ABL1: variants seen among roughly 807,000 people sequenced by gnomAD.
The protein encoded by ABL1 is ABL proto-oncogene 1, non-receptor tyrosine kinase.
Under a neutral mutation model 94.7 loss-of-function variants are expected in ABL1, and 11 were observed. The ratio of observed to expected loss-of-function variants is 0.12; its 90% CI spans 0.07 to 0.19. The LOEUF is 0.19. Ranked by LOEUF, ABL1 falls within the 10% of genes least tolerant of loss-of-function variation. The probability of loss-of-function intolerance (pLI) is 1.00; values close to 1 mark genes in which losing one functional copy is unlikely to be tolerated. For synonymous variants in ABL1, 656 were observed against 622.4 expected (o/e 1.05, Z -0.80); for missense variants, 1,082 against 1,489.4 (o/e 0.73, Z 4.50).
chr9:130,820,120 A>G (rs1020355742), intron 1 of ABL1, among the ~76,000 whole-genome samples: 3 of 152,136 alleles, frequency 2.0e-5, no homozygotes, highest in Non-Finnish European at 4.4e-5. Context: ...TCTCTTTCTC[A>G]GCACTTTGGA....
Position 130,863,151 on chromosome 9 carries a change from C to T in ABL1, c.822+116C>T. ...GCCTGCTGTCCGAGGGCTTCATTGG[C>T]GCCACGGAATTGACTTTTCCGTCTT... On this transcript the variant is annotated intron_variant, in intron 4 of 10. Coordinates refer to ENST00000318560, the MANE Select transcript of ABL1 (RefSeq NM_005157.6). This position sits in a 1 kb window ranked among gnomAD's most constrained non-coding sequence, Gnocchi z 4.3. 3 of 1,239,936 alleles carry T rather than the reference C, an allele frequency of 2.4e-6. No homozygotes were observed. The highest frequency in any genetic ancestry group is 3.3e-6 in the Non-Finnish European group (3 of 910,996). 76.8% of individuals were successfully genotyped at this position (1,239,936 alleles called of 1,614,324 possible).
chr9:130,781,221 C>T (rs1829751034), intron 1 of ABL1, among the ~76,000 whole-genome samples: 1 of 152,304 alleles, frequency 6.6e-6, no homozygotes, highest in South Asian at 2.1e-4. Context: ...TCTTGAGTGG[C>T]GTACCTTAAA....
chr9:130,758,924 A>T (rs1304343973), intron 1 of ABL1, among the ~76,000 whole-genome samples: 1 of 152,184 alleles, frequency 6.6e-6, no homozygotes, highest in Non-Finnish European at 1.5e-5. Context: ...GTAGTGGATC[A>T]CACAGGCAGC....
chr9:130,800,540 C>G, intron 1 of ABL1, among the ~76,000 whole-genome samples: 1 of 152,050 alleles, frequency 6.6e-6, no homozygotes, highest in South Asian at 2.1e-4. Context: ...CAGTGGATTC[C>G]TTCCCTCAGC....
Position 130,795,854 on chromosome 9 carries a change from A to G in ABL1, c.137-58210A>G, listed in dbSNP as rs137983836. Among the ~76,000 whole-genome samples the G allele has an allele frequency of 8.4e-3, 1,275 of 152,376 alleles. 20 individuals are homozygous for G. Among genetic ancestry groups the G allele is most frequent in the African/African-American group, 0.026 (1,065 of 41,588 alleles). On this transcript the variant is annotated intron_variant, in intron 1 of 10. Transcript: ENST00000372348. Reference sequence around the variant, plus strand: ...GCTCTGACTTTTCTAAAACAAGTTTATATTACTTTATTTAAAAATGTTTAT... The same window carrying G: ...GCTCTGACTTTTCTAAAACAAGTTTGTATTACTTTATTTAAAAATGTTTAT...
chr9:130,753,124 G>A (rs1403031039), intron 1 of ABL1, among the ~76,000 whole-genome samples: 1 of 151,794 alleles, frequency 6.6e-6, no homozygotes, highest in African/African-American at 2.4e-5. Flanking sequence ...GGGCATGGTG[G>A]CTGGCACCTG....
intron 1 of ABL1, among the ~76,000 whole-genome samples, chr9:130,782,451 TTGAAGAGA>T (rs1829768057): frequency 2.6e-5 from 4 of 152,134 alleles, no homozygotes; most frequent in Admixed American, 2.6e-4. Context: ...TGACCCAAGT[TTGAAGAGA>T]CTGGTAGGGG....
rs143120196 is a variant in ABL1 at position 130,773,168 on chromosome 9, A to G, written c.136+58713A>G. The stretch of plus-strand genomic sequence containing the variant: ...AAACCCCATCTCTACTGAAAATACA[A>G]AATTAGCCGGGCATGGTGGCACATG... On this transcript the variant is annotated intron_variant, in intron 1 of 10. Coordinates refer to the ABL1 transcript ENST00000372348. Among the ~76,000 whole-genome samples the G allele has an allele frequency of 4.2e-3, 636 of 152,150 alleles. 2 individuals are homozygous for G. Among genetic ancestry groups the G allele is most frequent in the African/African-American group, 0.014 (582 of 41,520 alleles).
intron 1 of ABL1, among the ~76,000 whole-genome samples, chr9:130,819,031 T>C (rs139897167): frequency 0.016 from 2,450 of 152,272 alleles, 27 homozygotes; most frequent in Middle Eastern, 0.037. Context: ...AGCTTCTTTC[T>C]CAAGACTGTG....
At chr9:130,714,086 T>C in exon 1 of ABL1, 1 of 400,096 alleles carries the variant, frequency 2.5e-6, no homozygotes, top group Non-Finnish European at 4.4e-6. Flanking sequence ...AACATTGCAA[T>C]TACATGAAAT....
At chr9:130,721,928 TCTCTTTC>T (rs1378693942) in intron 1 of ABL1, among the ~76,000 whole-genome samples, 1 of 151,224 alleles carries the variant, frequency 6.6e-6, no homozygotes, top group Admixed American at 6.6e-5. Flanking sequence ...TTCAAGCGAT[TCTCTTTC>T]CTGCCTCAGC....
intron 1 of ABL1, among the ~76,000 whole-genome samples, chr9:130,791,070 G>A (rs1300006068): frequency 6.6e-6 from 1 of 152,070 alleles, no homozygotes; most frequent in East Asian, 1.9e-4. Flanking sequence ...CGGCAAAGAA[G>A]GAAAGGAAAG....
intron 1 of ABL1, among the ~76,000 whole-genome samples, chr9:130,839,779 A>G (rs1203528597): frequency 2.0e-5 from 3 of 152,130 alleles, no homozygotes; most frequent in Non-Finnish European, 2.9e-5. Flanking sequence ...AGTTAAATGT[A>G]TGTTTGTGTT....
rs1831595409 is a variant in ABL1, at chr9:130,886,953, A to G, written c.*1270A>G. On this transcript the variant is annotated 3_prime_UTR_variant, in exon 11 of 11. Coordinates refer to ENST00000318560, the MANE Select transcript of ABL1 (RefSeq NM_005157.6). ...GGGGGTCATCAGGGAGGGTTAGGAA[A>G]ACCACAAACGGAGCCCCTGAAAGCC... The G allele has an allele frequency of 8.6e-6, 2 of 232,742 alleles. No homozygotes were observed. The highest frequency in any genetic ancestry group is 4.4e-5 in the African/African-American group (2 of 45,308). The allele number at this position is 232,742 out of a possible 1,614,324, so 14.4% of individuals were successfully genotyped here. A position where few individuals can be genotyped will look rare whatever the true frequency, so the allele number is the denominator to read the frequency against.
intron 1 of ABL1, among the ~76,000 whole-genome samples, chr9:130,756,110 A>G (rs1832038550): frequency 6.6e-6 from 1 of 152,220 alleles, no homozygotes; most frequent in Admixed American, 6.5e-5. Flanking sequence ...CACTTTTCTC[A>G]TAGAGAAGAA....
intron 1 of ABL1, among the ~76,000 whole-genome samples, chr9:130,822,042 G>A (rs1022900091): frequency 3.9e-5 from 6 of 152,150 alleles, no homozygotes; most frequent in Non-Finnish European, 7.3e-5. Context: ...GTTTCACTGT[G>A]TTAGCCGGGA....
chr9:130,795,350 G>T (rs1829961142), intron 1 of ABL1, among the ~76,000 whole-genome samples: 1 of 152,216 alleles, frequency 6.6e-6, no homozygotes. Context: ...GTTCCTGGAA[G>T]TGGTTCCAGA....
intron 1 of ABL1, among the ~76,000 whole-genome samples, chr9:130,812,702 C>G (rs1830225135): frequency 6.6e-6 from 1 of 151,552 alleles, no homozygotes; most frequent in Non-Finnish European, 1.5e-5. Flanking sequence ...AGAAATAAAT[C>G]TGTAATTATA....
At chr9:130,794,254 C>T (rs1446432534) in intron 1 of ABL1, among the ~76,000 whole-genome samples, 3 of 152,104 alleles carry the variant, frequency 2.0e-5, no homozygotes, top group South Asian at 2.1e-4. Flanking sequence ...TTGAATTAAA[C>T]GTTGCAAACT....
Sources: allele counts gnomAD v4.1 joint callset (sites outside exome capture counted in the v4.1 genomes callset), GRCh38; gene constraint gnomAD v4.1.1; non-coding constraint Gnocchi (gnomAD v3.1); transcripts MANE v1.5; gene names NCBI Gene and HGNC (gene_info 2026-07-23, HGNC 2026-07-21).